Variants in DLGAP2 observed in about 807,000 individuals in gnomAD.
The protein encoded by DLGAP2 is disks large-associated protein 2.
DLGAP2 carries 26 observed loss-of-function variants against 100.3 expected under a neutral mutation model. The observed-to-expected ratio is 0.26, with a 90% CI of 0.19 to 0.36. The LOEUF is 0.36. Ranked by LOEUF, DLGAP2 falls within the 10% of genes least tolerant of loss-of-function variation. DLGAP2 has a pLI of 1.00. For synonymous variants in DLGAP2, 886 were observed against 630.1 expected, an observed-to-expected ratio of 1.41 and a Z score of -6.08; for missense variants, 1,858 against 1,453.2, an observed-to-expected ratio of 1.28 and a Z score of -4.53.
chr8:1,263,327 T>A (rs1056750854), intron 3 of DLGAP2, among the ~76,000 whole-genome samples: 2 of 152,222 alleles, frequency 1.3e-5, no homozygotes, highest in Admixed American at 1.3e-4. Flanking sequence ...TTTCTAAATC[T>A]GTTTTCATTT....
At chr8:1,066,186 G>T (rs1024071473) in intron 2 of DLGAP2, among the ~76,000 whole-genome samples, 1 of 151,406 alleles carries the variant, frequency 6.6e-6, no homozygotes, top group African/African-American at 2.4e-5. Context: ...TCCCCACCAC[G>T]GTCAGGTCTG....
At chr8:1,025,785 C>T (rs1369191947) in intron 2 of DLGAP2, among the ~76,000 whole-genome samples, 1 of 152,182 alleles carries the variant, frequency 6.6e-6, no homozygotes, top group East Asian at 1.9e-4. Flanking sequence ...CTGAGAGACA[C>T]GGTCGCAATG....
intron 3 of DLGAP2, among the ~76,000 whole-genome samples, chr8:1,418,878 A>G (rs1797011557): frequency 6.6e-6 from 1 of 152,196 alleles, no homozygotes; most frequent in Non-Finnish European, 1.5e-5. Flanking sequence ...GCTAGAGATC[A>G]TGGGTTCCCA....
At chr8:1,112,672 G>C (rs111364869) in intron 2 of DLGAP2, among the ~76,000 whole-genome samples, 48 of 152,326 alleles carry the variant, frequency 3.2e-4, no homozygotes, top group African/African-American at 1.1e-3. Flanking sequence ...TAGTTTGTCT[G>C]TTCGCTCTGA....
chr8:1,504,307 T>C (rs1269057127), intron 4 of DLGAP2, among the ~76,000 whole-genome samples: 4 of 152,226 alleles, frequency 2.6e-5, no homozygotes, highest in African/African-American at 9.6e-5. Flanking sequence ...GTGTATAGTA[T>C]ACAACGTGAT....
At chr8:925,838 A>G (rs565136918) in intron 2 of DLGAP2, among the ~76,000 whole-genome samples, 31 of 152,278 alleles carry the variant, frequency 2.0e-4, no homozygotes, top group African/African-American at 7.2e-4. Context: ...GCAGGAAAAA[A>G]TGTGGTGTTC....
intron 1 of DLGAP2, among the ~76,000 whole-genome samples, chr8:850,661 G>C (rs752048049): frequency 1.8e-4 from 27 of 152,022 alleles, no homozygotes; most frequent in Non-Finnish European, 3.4e-4. Flanking sequence ...ACCCCAGAAA[G>C]CAATATATGC....
intron 2 of DLGAP2, among the ~76,000 whole-genome samples, chr8:1,204,091 G>A (rs1055801101): frequency 1.1e-4 from 16 of 152,216 alleles, no homozygotes; most frequent in African/African-American, 3.4e-4. Flanking sequence ...GGTCTGGAGC[G>A]GGACCTGAAT....
At chr8:810,379 C>G (rs960037885) in intron 1 of DLGAP2, among the ~76,000 whole-genome samples, 1 of 152,176 alleles carries the variant, frequency 6.6e-6, no homozygotes, top group Non-Finnish European at 1.5e-5. Context: ...CTGGTACACA[C>G]CATTACACAT....
intron 2 of DLGAP2, among the ~76,000 whole-genome samples, chr8:1,188,851 C>T (rs538012428): frequency 6.6e-6 from 1 of 152,342 alleles, no homozygotes; most frequent in African/African-American, 2.4e-5. Context: ...AATGACTTGT[C>T]ACTCCAAAAA....
intron 2 of DLGAP2, among the ~76,000 whole-genome samples, chr8:978,069 G>C (rs1584941598): frequency 8.5e-5 from 5 of 58,946 alleles, no homozygotes; most frequent in African/African-American, 3.1e-4. Flanking sequence ...GTGAGGGGCT[G>C]GGTTCTGGTC....
At chr8:1,239,430 C>A (rs1186282980) in intron 2 of DLGAP2, among the ~76,000 whole-genome samples, 4 of 13,056 alleles carry the variant, frequency 3.1e-4, no homozygotes, top group African/African-American at 7.0e-4. Context: ...ATGTCTAGTT[C>A]TCTCTCACAT....
chr8:952,667 A>G (rs1799509150), intron 2 of DLGAP2, among the ~76,000 whole-genome samples: 1 of 152,104 alleles, frequency 6.6e-6, no homozygotes, highest in South Asian at 2.1e-4. Flanking sequence ...AAAATAATCA[A>G]CATATTTCAT....
At chr8:1,059,673 T>G (rs1422979643) in intron 2 of DLGAP2, among the ~76,000 whole-genome samples, 1 of 152,120 alleles carries the variant, frequency 6.6e-6, no homozygotes, top group Admixed American at 6.5e-5. Context: ...TGGGTAGATA[T>G]GCTGTGGTCA....
At chr8:1,261,182 G>C (rs1237486203) in intron 3 of DLGAP2, among the ~76,000 whole-genome samples, 2 of 150,434 alleles carry the variant, frequency 1.3e-5, no homozygotes. Context: ...GACAGACTGG[G>C]AGGGCAGGTC....
intron 3 of DLGAP2, among the ~76,000 whole-genome samples, chr8:1,276,627 C>T (rs566814729): frequency 3.9e-5 from 6 of 152,184 alleles, no homozygotes; most frequent in South Asian, 2.1e-4. Context: ...CGTCTTGTGT[C>T]GGTGCTTTGA....
chr8:1,331,684 G>A (rs190118216), intron 3 of DLGAP2, among the ~76,000 whole-genome samples: 521 of 152,254 alleles, frequency 3.4e-3, no homozygotes, highest in Non-Finnish European at 3.4e-3. Context: ...AAAATATCCC[G>A]GATGTGAAAG....
chr8:1,638,514 T>A (rs532775870), intron 8 of DLGAP2, among the ~76,000 whole-genome samples: 1 of 152,202 alleles, frequency 6.6e-6, no homozygotes, highest in South Asian at 2.1e-4. Flanking sequence ...CAGAGTCATG[T>A]TATAATGAAG....
At chr8:1,469,586 C>G (rs944774215) in intron 3 of DLGAP2, among the ~76,000 whole-genome samples, 10 of 152,164 alleles carry the variant, frequency 6.6e-5, no homozygotes, top group African/African-American at 2.2e-4. Flanking sequence ...GAACCTCCCA[C>G]GTATTCGTAT....
Sources: allele counts gnomAD v4.1 joint callset (sites outside exome capture counted in the v4.1 genomes callset), GRCh38; gene constraint gnomAD v4.1.1; transcripts MANE v1.5; gene names NCBI Gene and HGNC (gene_info 2026-07-23, HGNC 2026-07-21).